ACVR2A: variants seen among roughly 807,000 people sequenced by gnomAD.
The protein encoded by ACVR2A is activin A receptor type 2A.
A neutral mutation model predicts 61.4 loss-of-function variants in ACVR2A; 7 were observed. That is an observed-to-expected ratio of 0.11 (90% CI 0.06 to 0.21). The LOEUF (loss-of-function observed/expected upper bound fraction) is 0.21. ACVR2A is among the 10% of genes least tolerant of loss of function. The pLI is 1.00. For synonymous variants in ACVR2A, 193 were observed against 208.3 expected (o/e 0.93, Z 0.63); for missense variants, 322 against 621.7 (o/e 0.52, Z 5.13).
At chr2:147,846,384 G>A (rs1169789975) in intron 1 of ACVR2A, among the ~76,000 whole-genome samples, 1 of 150,396 alleles carries the variant, frequency 6.6e-6, no homozygotes. Flanking sequence ...CCTCTGTGGG[G>A]TGTGTGTGTG....
chr2:147,875,182 C>G (rs971389749), intron 1 of ACVR2A, among the ~76,000 whole-genome samples: 1 of 151,852 alleles, frequency 6.6e-6, no homozygotes, highest in African/African-American at 2.4e-5. Flanking sequence ...CTCTGTAACT[C>G]ATTAATCATT....
chr2:147,874,929 G>A (rs777603750), intron 1 of ACVR2A, among the ~76,000 whole-genome samples: 3 of 151,952 alleles, frequency 2.0e-5, no homozygotes, highest in Non-Finnish European at 2.9e-5. Flanking sequence ...TCTGTACTAG[G>A]TGAGTCTAGG....
At chr2:147,894,170 T>A (rs1385591849) in intron 1 of ACVR2A, among the ~76,000 whole-genome samples, 1 of 152,164 alleles carries the variant, frequency 6.6e-6, no homozygotes, top group Non-Finnish European at 1.5e-5. Flanking sequence ...TCTACATCAG[T>A]TGACCATTTA....
chr2:147,882,988 A>G (rs1317618114), intron 1 of ACVR2A, among the ~76,000 whole-genome samples: 2 of 152,156 alleles, frequency 1.3e-5, no homozygotes, highest in South Asian at 2.1e-4. Context: ...CTTTCTTCAT[A>G]TATCTAACTT....
intron 9 of ACVR2A, among the ~76,000 whole-genome samples, chr2:147,925,172 A>G (rs1407871546): frequency 6.6e-6 from 1 of 152,018 alleles, no homozygotes; most frequent in Non-Finnish European, 1.5e-5. Context: ...AGAGTTATTT[A>G]GAGAGTTGGG....
intron 1 of ACVR2A, among the ~76,000 whole-genome samples, chr2:147,881,708 A>G (rs1686307005): frequency 6.6e-6 from 1 of 150,602 alleles, no homozygotes; most frequent in Non-Finnish European, 1.5e-5. Context: ...TGCATTGCCA[A>G]TATAGAAATT....
intron 1 of ACVR2A, among the ~76,000 whole-genome samples, chr2:147,871,242 G>T (rs1248659644): frequency 6.6e-6 from 1 of 151,688 alleles, no homozygotes; most frequent in Non-Finnish European, 1.5e-5. Flanking sequence ...ATATACATTT[G>T]CTAGGAAGAA....
At chr2:147,899,403 G>C in intron 2 of ACVR2A, 55 bp from the exon 3 acceptor site, 1 of 1,153,678 alleles carries the variant, frequency 8.7e-7, no homozygotes, top group Non-Finnish European at 1.2e-6. Context: ...AACACTTGTT[G>C]TAGGGTCAGT....
intron 1 of ACVR2A, among the ~76,000 whole-genome samples, chr2:147,868,247 A>G (rs1685921269): frequency 6.6e-6 from 1 of 152,212 alleles, no homozygotes; most frequent in Non-Finnish European, 1.5e-5. Flanking sequence ...TTGATGGGGA[A>G]GAGGATTCTG....
At chr2:147,924,899 C>A (rs1687466804) in intron 9 of ACVR2A, among the ~76,000 whole-genome samples, 1 of 151,788 alleles carries the variant, frequency 6.6e-6, no homozygotes, top group African/African-American at 2.4e-5. Flanking sequence ...TGAATAGACA[C>A]CTTAGAATGT....
At chr2:147,920,389 C>T in intron 8 of ACVR2A, 45 bp downstream of exon 8, 3 of 1,459,856 alleles carry the variant, frequency 2.1e-6, no homozygotes, top group South Asian at 2.4e-5. Context: ...AAACTTGTTC[C>T]ATATTTTCTT....
chr2:147,913,032 A>G (rs1687155814), intron 4 of ACVR2A, among the ~76,000 whole-genome samples: 1 of 151,918 alleles, frequency 6.6e-6, no homozygotes, highest in African/African-American at 2.4e-5. Context: ...GAAACTTGTT[A>G]AACAGAGCCT....
intron 8 of ACVR2A, 97 bp downstream of exon 8, chr2:147,920,441 G>T: frequency 1.1e-6 from 1 of 934,332 alleles, no homozygotes; most frequent in Non-Finnish European, 1.6e-6. Flanking sequence ...AATTGTTGTG[G>T]TGTTTAAATC....
intron 2 of ACVR2A, chr2:147,898,098 G>A (rs1686786234): frequency 6.6e-6 from 1 of 152,136 alleles, no homozygotes; most frequent in Non-Finnish European, 1.5e-5. Flanking sequence ...CATTTTCACT[G>A]GAGTCTGCAA....
chr2:147,883,823 T>A (rs1686368724), intron 1 of ACVR2A, among the ~76,000 whole-genome samples: 1 of 152,158 alleles, frequency 6.6e-6, no homozygotes, highest in Admixed American at 6.5e-5. Flanking sequence ...TATTTTTGTT[T>A]TTCAAATTTC....
At chr2:147,902,018 G>A (rs1260663752) in intron 4 of ACVR2A, among the ~76,000 whole-genome samples, 1 of 151,844 alleles carries the variant, frequency 6.6e-6, no homozygotes, top group Non-Finnish European at 1.5e-5. Context: ...GTGTACTAGG[G>A]CACTGTTAAG....
At chr2:147,906,010 C>T (rs183652434) in intron 4 of ACVR2A, among the ~76,000 whole-genome samples, 167 of 152,168 alleles carry the variant, frequency 1.1e-3, no homozygotes, top group Non-Finnish European at 1.9e-3. Context: ...TACAGGGTCT[C>T]GTCTGTCAGT....
intron 1 of ACVR2A, among the ~76,000 whole-genome samples, chr2:147,860,385 A>G (rs183242214): frequency 5.3e-5 from 8 of 152,080 alleles, no homozygotes; most frequent in East Asian, 2.0e-4. Flanking sequence ...AGGGCCTGCT[A>G]TTAATTGTGT....
In ACVR2A at chr2:147,849,650, G is replaced by A. The variant is rs1371637918; in HGVS notation, c.55+4443G>A. ...CTCTGGTTTTAAGGGAGTTAACCTA[G>A]CCAACCAAGATAAGAATTACAGTGA... On this transcript the variant is annotated intron_variant, in intron 1 of 10. Coordinates refer to ENST00000241416, the MANE Select transcript of ACVR2A (RefSeq NM_001616.5). Among the ~76,000 whole-genome samples the A allele has an allele frequency of 3.3e-5, 5 of 152,084 alleles. No individual in the cohort carries two copies. In the East Asian group the frequency reaches 7.7e-4, roughly 23 times the overall value.
Sources: gnomAD v4.1 joint callset for allele counts (sites outside exome capture counted in the v4.1 genomes callset) on GRCh38, gnomAD v4.1.1 for gene constraint, MANE v1.5 for transcripts, NCBI Gene and HGNC (gene_info 2026-07-23, HGNC 2026-07-21) for gene names.